SCHIP1: variants seen among roughly 807,000 people sequenced by gnomAD.
SCHIP1 encodes the protein schwannomin-interacting protein 1.
Under a neutral mutation model 29.7 loss-of-function variants are expected in SCHIP1, and 8 were observed. The observed-to-expected ratio is 0.27, with a 90% CI of 0.16 to 0.49. The LOEUF (loss-of-function observed/expected upper bound fraction) is 0.49, where lower values mean the gene tolerates loss of function less well. SCHIP1 is among the 20% of genes least tolerant of loss of function. The pLI, the probability that SCHIP1 is intolerant of heterozygous loss-of-function variation, is 0.99. For missense variants in SCHIP1, 193 were observed against 294.6 expected, an observed-to-expected ratio of 0.66 and a Z score of 2.52; for synonymous variants, 76 against 94.9, an observed-to-expected ratio of 0.80 and a Z score of 1.16.
the SCHIP1 span, among the ~76,000 whole-genome samples, chr3:159,543,689 TG>T: frequency 1.3e-5 from 2 of 152,048 alleles, no homozygotes; most frequent in Non-Finnish European, 2.9e-5. Context: ...CGTGTGCATG[TG>T]TCTTTATAGC....
the SCHIP1 span, among the ~76,000 whole-genome samples, chr3:159,288,977 C>A: frequency 1.3e-5 from 2 of 152,208 alleles, no homozygotes; most frequent in Non-Finnish European, 1.5e-5. Context: ...AAGAGAAATG[C>A]TGGAATTCAT....
chr3:159,399,637 G>T, the SCHIP1 span, among the ~76,000 whole-genome samples: 17 of 152,084 alleles, frequency 1.1e-4, no homozygotes, highest in Admixed American at 1.1e-3. Flanking sequence ...TTAGAGTAGT[G>T]ATTCTCAAAT....
the SCHIP1 span, among the ~76,000 whole-genome samples, chr3:159,700,293 G>C: frequency 6.6e-6 from 1 of 152,198 alleles, no homozygotes; most frequent in Admixed American, 6.5e-5. Context: ...TATAGGACAA[G>C]TGATGCAGTT....
chr3:159,324,649 A>G, the SCHIP1 span, among the ~76,000 whole-genome samples: 1 of 152,150 alleles, frequency 6.6e-6, no homozygotes, highest in Non-Finnish European at 1.5e-5. Context: ...GAATGTCTAA[A>G]ATATTGGGGA....
the SCHIP1 span, among the ~76,000 whole-genome samples, chr3:159,441,778 G>A: frequency 2.1e-4 from 32 of 152,216 alleles, no homozygotes; most frequent in East Asian, 6.2e-3. Context: ...AGAGCAGAGG[G>A]AGAGATCAAG....
At chr3:159,391,103 G>T in the SCHIP1 span, among the ~76,000 whole-genome samples, 3 of 152,200 alleles carry the variant, frequency 2.0e-5, no homozygotes, top group South Asian at 6.2e-4. Context: ...ATGAATGTGG[G>T]GACACGCAGG....
the SCHIP1 span, among the ~76,000 whole-genome samples, chr3:159,551,454 T>C: frequency 1.3e-5 from 2 of 152,170 alleles, no homozygotes; most frequent in East Asian, 1.9e-4. Context: ...CTAGCTTTAG[T>C]GCACTGAGAA....
At chr3:159,792,045 C>A in the SCHIP1 span, among the ~76,000 whole-genome samples, 3 of 152,044 alleles carry the variant, frequency 2.0e-5, no homozygotes, top group African/African-American at 7.2e-5. Flanking sequence ...CTGTGTGTGT[C>A]TATCTTGGGC....
chr3:159,849,154 C>T (rs945163329), intron 1 of SCHIP1, among the ~76,000 whole-genome samples: 11 of 152,060 alleles, frequency 7.2e-5, no homozygotes, highest in Admixed American at 2.0e-4. Flanking sequence ...ATTTCCATCT[C>T]GAATTTTGAG....
chr3:159,690,884 G>T, the SCHIP1 span, among the ~76,000 whole-genome samples: 1 of 152,174 alleles, frequency 6.6e-6, no homozygotes, highest in African/African-American at 2.4e-5. Flanking sequence ...AGGTTGTTAA[G>T]TTTCCATTTA....
the SCHIP1 span, among the ~76,000 whole-genome samples, chr3:159,341,812 A>T: frequency 1.3e-5 from 2 of 152,102 alleles, no homozygotes; most frequent in Non-Finnish European, 2.9e-5. Context: ...TATGTATTAA[A>T]ACTGATGATT....
the SCHIP1 span, among the ~76,000 whole-genome samples, chr3:159,448,411 C>T: frequency 1.3e-5 from 2 of 152,080 alleles, no homozygotes; most frequent in African/African-American, 2.4e-5. Context: ...GTGGACGTTG[C>T]AATCAGCTGA....
At chr3:159,798,467 G>A in the SCHIP1 span, among the ~76,000 whole-genome samples, 1 of 151,956 alleles carries the variant, frequency 6.6e-6, no homozygotes, top group South Asian at 2.1e-4. Context: ...TTTCATAACA[G>A]CCAAACAAGG....
the SCHIP1 span, among the ~76,000 whole-genome samples, chr3:159,604,332 TGA>T: frequency 5.3e-5 from 8 of 152,314 alleles, no homozygotes; most frequent in South Asian, 1.7e-3. Flanking sequence ...TATCTTCCCT[TGA>T]GTAAGTCTGC....
the SCHIP1 span, among the ~76,000 whole-genome samples, chr3:159,540,099 T>C: frequency 6.6e-6 from 1 of 152,048 alleles, no homozygotes; most frequent in Admixed American, 6.6e-5. Context: ...CCTTCGTCTC[T>C]TCTGCCTTCC....
At chr3:159,843,020 TTTTTTTTTTG>T in intron 1 of SCHIP1, among the ~76,000 whole-genome samples, 1 of 85,158 alleles carries the variant, frequency 1.2e-5, no homozygotes, top group East Asian at 3.5e-4. Context: ...TTTTTTTTTT[TTTTTTTTTTG>T]AGATGGAGTC....
the SCHIP1 span, among the ~76,000 whole-genome samples, chr3:159,626,180 C>CTATA: frequency 2.2e-5 from 2 of 92,326 alleles, 1 homozygote; most frequent in Non-Finnish European, 3.7e-5. Context: ...ATCTATCTAT[C>CTATA]TAGATAGATA....
the SCHIP1 span, among the ~76,000 whole-genome samples, chr3:159,591,020 C>T: frequency 6.6e-6 from 1 of 152,142 alleles, no homozygotes; most frequent in South Asian, 2.1e-4. Flanking sequence ...CTTTTTAACC[C>T]TCATCCTGTT....
At chr3:159,624,968 T>C in the SCHIP1 span, among the ~76,000 whole-genome samples, 1 of 152,172 alleles carries the variant, frequency 6.6e-6, no homozygotes, top group Non-Finnish European at 1.5e-5. Context: ...TGAACCAGCA[T>C]TATATATTGA....
Sources: gnomAD v4.1 joint callset for allele counts (sites outside exome capture counted in the v4.1 genomes callset) on GRCh38, gnomAD v4.1.1 for gene constraint, MANE v1.5 for transcripts, NCBI Gene and HGNC (gene_info 2026-07-23, HGNC 2026-07-21) for gene names.